Variants in COL18A1 observed in about 807,000 individuals in gnomAD.
COL18A1 encodes the protein collagen alpha-1(XVIII) chain.
A neutral mutation model predicts 168.0 loss-of-function variants in COL18A1; 133 were observed. The observed-to-expected ratio is 0.79, with a 90% CI of 0.69 to 0.91. The LOEUF (loss-of-function observed/expected upper bound fraction) is 0.91. Ranked by LOEUF, COL18A1 falls within the 40% of genes least tolerant of loss-of-function variation. The pLI, the probability that COL18A1 is intolerant of heterozygous loss-of-function variation, is 0.00. For missense variants in COL18A1, 2,126 were observed against 1,925.4 expected (o/e 1.10, Z -1.95); for synonymous variants, 949 against 809.0 (o/e 1.17, Z -2.94).
Position 45,498,160 on chromosome 21 carries a change from C to T in COL18A1, c.2683+499C>T. On this transcript the variant is annotated intron_variant, in intron 32 of 41. Transcript: ENST00000651438. The surrounding 1 kb of genome is among the most constrained non-coding windows in gnomAD (Gnocchi z 4.5). ...CCCACCTCCATTGAGGGTGGCAGGG[C>T]TGCTTGGATGTCCTGCCAAGACCAC... 1.5e-6 allele frequency: 1 copy of T among 667,704 alleles called. No individual in the cohort carries two copies. The highest frequency in any genetic ancestry group is 2.7e-6 in the Non-Finnish European group (1 of 366,578). The allele number at this position is 667,704 out of a possible 1,614,324, so 41.4% of individuals were successfully genotyped here. A position where few individuals can be genotyped will look rare whatever the true frequency, so the allele number is the denominator to read the frequency against.
chr21:45,504,741 C>A (rs1305240390), intron 34 of COL18A1, among the ~76,000 whole-genome samples, 185 bp downstream of exon 34: 3 of 152,060 alleles, frequency 2.0e-5, no homozygotes, highest in Non-Finnish European at 4.4e-5. Context: ...GGTGCACTGA[C>A]CCCGGACACC....
At chr21:45,475,378 A>G in intron 4 of COL18A1, 98 bp from the exon 5 acceptor site, 1 of 1,088,692 alleles carries the variant, frequency 9.2e-7, no homozygotes. Flanking sequence ...GGGGGCCTGG[A>G]GGAGGCGAGA....
intron 2 of COL18A1, among the ~76,000 whole-genome samples, chr21:45,419,021 A>G (rs1199049299): frequency 6.6e-6 from 1 of 152,232 alleles, no homozygotes; most frequent in East Asian, 1.9e-4. Flanking sequence ...CCCTGTCTTC[A>G]GTAAAGGATG....
chr21:45,496,648 C>G, intron 30 of COL18A1, 80 bp downstream of exon 30: 1 of 794,198 alleles, frequency 1.3e-6, no homozygotes, highest in South Asian at 1.3e-5. Context: ...GGGCCTTCTT[C>G]TCCCCTGGCC....
intron 2 of COL18A1, among the ~76,000 whole-genome samples, chr21:45,418,581 G>A (rs796435693): frequency 3.3e-5 from 5 of 152,190 alleles, no homozygotes; most frequent in African/African-American, 1.2e-4. Flanking sequence ...GCTCACCGGC[G>A]GTTCCCACCT....
chr21:45,512,041 A>C (rs1191589027), intron 41 of COL18A1, 147 bp from the exon 42 acceptor site: 8 of 830,164 alleles, frequency 9.6e-6, no homozygotes, highest in South Asian at 1.5e-5. Context: ...CAGGGAGGCC[A>C]TGTGGCCCTC....
At chr21:45,437,005 A>C (rs1264885355) in intron 2 of COL18A1, among the ~76,000 whole-genome samples, 1 of 152,042 alleles carries the variant, frequency 6.6e-6, no homozygotes, top group Non-Finnish European at 1.5e-5. Flanking sequence ...TGCTGTCTGC[A>C]TCCGTTCCTG....
chr21:45,501,291 A>C (rs561510899), intron 32 of COL18A1, among the ~76,000 whole-genome samples: 1 of 152,110 alleles, frequency 6.6e-6, no homozygotes, highest in Admixed American at 6.5e-5. Flanking sequence ...AGAAAAACAC[A>C]AATCAATCAT....
chr21:45,480,879 C>CA (rs2035868126), intron 13 of COL18A1, 21 bp downstream of exon 13: 1 of 1,602,698 alleles, frequency 6.2e-7, no homozygotes, highest in Non-Finnish European at 8.5e-7. Context: ...CCTCCACCGT[C>CA]AGTGTCGGGA....
rs2036606688 is a variant in COL18A1, at chr21:45,498,165, T to C, written c.2683+504T>C. On this transcript the variant is annotated intron_variant, in intron 32 of 41. Coordinates refer to ENST00000651438, the MANE Select transcript of COL18A1 (RefSeq NM_001379500.1). This position sits in a 1 kb window ranked among gnomAD's most constrained non-coding sequence, Gnocchi z 4.5. The stretch of plus-strand genomic sequence containing the variant: ...CTCCATTGAGGGTGGCAGGGCTGCT[T>C]GGATGTCCTGCCAAGACCACTGAGA... 2 of 672,764 alleles carry C rather than the reference T, an allele frequency of 3.0e-6. No homozygotes were observed. Among genetic ancestry groups the C allele is most frequent in the South Asian group, 3.2e-5 (2 of 63,160 alleles). 41.7% of individuals were successfully genotyped at this position (672,764 alleles called of 1,614,324 possible). A position where few individuals can be genotyped will look rare whatever the true frequency, so the allele number is the denominator to read the frequency against.
intron 2 of COL18A1, among the ~76,000 whole-genome samples, chr21:45,462,457 C>T (rs1231448892): frequency 6.6e-6 from 1 of 152,104 alleles, no homozygotes; most frequent in Non-Finnish European, 1.5e-5. Flanking sequence ...TTTCTTTCAT[C>T]TTTTGTCTTT....
At chr21:45,464,022 T>C (rs1309240465) in intron 2 of COL18A1, among the ~76,000 whole-genome samples, 1 of 152,248 alleles carries the variant, frequency 6.6e-6, no homozygotes, top group Non-Finnish European at 1.5e-5. Flanking sequence ...CTATGGGCAC[T>C]GTGGCTGGGT....
At position 45,510,258 on chromosome 21, in the gene COL18A1, C is replaced by T. The variant is rs886057134; in HGVS notation, c.3690C>T (p.Leu1230=). 1 of 1,603,170 alleles carries T rather than the reference C, an allele frequency of 6.2e-7. No individual in the cohort carries two copies. Among genetic ancestry groups the T allele is most frequent in the Admixed American group, 1.7e-5 (1 of 58,944 alleles). ...GCGCAGCCGTGCCCATCGTCAACCT[C>T]AAGGTGGGTCAGTCCAGTCCTGAGG... ...ADRAAVPIVN[L]KDELLFPSWE... The change falls in exon 40 of 42, where the codon CTC becomes CTT. Residue 1230 remains leucine (L), a synonymous_variant. Coordinates refer to ENST00000651438, the MANE Select transcript of COL18A1 (RefSeq NM_001379500.1).
rs9976784 is a variant in COL18A1, at chr21:45,487,565, G to A, written c.1896+56G>A. On this transcript the variant is annotated intron_variant, in intron 17 of 41. Coordinates refer to ENST00000651438, the MANE Select transcript of COL18A1 (RefSeq NM_001379500.1). ...TGAGGGGTAAGGGGGTGTTGCCTGG[G>A]GCAGGAGAGTGTCCCTGAGAGCCAC... is the stretch of plus-strand genomic sequence containing the variant. 312,579 of 1,601,938 alleles carry A rather than the reference G, an allele frequency of 0.2. 30,878 individuals carry two copies. Among genetic ancestry groups the A allele is most frequent in the Admixed American group, 0.21 (12,694 of 60,000 alleles).
chr21:45,437,556 A>T (rs111213116), intron 2 of COL18A1, among the ~76,000 whole-genome samples: 1 of 85,826 alleles, frequency 1.2e-5, no homozygotes, highest in African/African-American at 6.7e-5. Flanking sequence ...GCACACACAC[A>T]CACACAGACA....
chr21:45,501,448 G>T (rs1455045329), intron 32 of COL18A1, among the ~76,000 whole-genome samples: 2 of 151,784 alleles, frequency 1.3e-5, no homozygotes, highest in Admixed American at 1.3e-4. Context: ...CTGGCTTCCA[G>T]GAACTGTGAC....
chr21:45,409,068 G>A (rs2033209758), intron 2 of COL18A1, among the ~76,000 whole-genome samples: 1 of 43,978 alleles, frequency 2.3e-5, no homozygotes, highest in African/African-American at 1.2e-4. Flanking sequence ...GCTGGCCATG[G>A]CCCTCACCCC....
chr21:45,469,210 G>A (rs1337496673), intron 3 of COL18A1, among the ~76,000 whole-genome samples: 5 of 152,220 alleles, frequency 3.3e-5, no homozygotes, highest in Non-Finnish European at 5.9e-5. Flanking sequence ...TGGGGCTCCC[G>A]GCCTCTGACC....
At chr21:45,439,505 A>C (rs4819107) in intron 2 of COL18A1, among the ~76,000 whole-genome samples, 75,135 of 152,228 alleles carry the variant, frequency 0.49, 19,511 homozygotes, top group African/African-American at 0.68. Context: ...AAGTGAACTT[A>C]TTGGTGAAAG....
Sources: gnomAD v4.1 joint callset for allele counts (sites outside exome capture counted in the v4.1 genomes callset) on GRCh38, gnomAD v4.1.1 for gene constraint, Gnocchi (gnomAD v3.1) non-coding constraint, MANE v1.5 for transcripts, NCBI Gene and HGNC (gene_info 2026-07-23, HGNC 2026-07-21) for gene names.